Variants in BBS9 observed in about 807,000 individuals in gnomAD.
BBS9 encodes Bardet-Biedl syndrome 9, also known as protein PTHB1.
A neutral mutation model predicts 117.7 loss-of-function variants in BBS9; 89 were observed. That is an observed-to-expected ratio of 0.76 (90% CI 0.64 to 0.90). The LOEUF is 0.90. Among genes scored for constraint, BBS9 ranks in the 40% least tolerant of loss-of-function variants. BBS9 has a pLI of 0.00. For missense variants in BBS9, 982 were observed against 1,042.2 expected (o/e 0.94, Z 0.80); for synonymous variants, 379 against 370.9 (o/e 1.02, Z -0.25).
chr7:33,136,443 G>A lies in BBS9; in HGVS notation c.-12+6402G>A, dbSNP rs560143901. ...CATCCTTGTCTTGTGCCTGATCTTA[G>A]GAGGAAAGTGTTCGGTTTACACTAT... is the stretch of plus-strand genomic sequence containing the variant. On this transcript the variant is annotated intron_variant, in intron 1 of 22. Transcript: ENST00000242067. Among the ~76,000 whole-genome samples, 5 of 152,284 alleles carry A rather than the reference G, an allele frequency of 3.3e-5. 1 individual carries two copies. In the South Asian group the frequency reaches 1.0e-3, roughly 32 times the overall value.
chr7:33,611,421 C>A (rs1267104791), intron 21 of BBS9, among the ~76,000 whole-genome samples: 1 of 145,402 alleles, frequency 6.9e-6, no homozygotes. Context: ...TCATTGAATC[C>A]TTTAATATTA....
rs1335717784 is a variant in BBS9, at chr7:33,357,621, C to T, written c.1553-234C>T. The T allele has an allele frequency of 2.8e-5, 16 of 577,666 alleles. No homozygotes were observed. In the East Asian group the frequency reaches 4.8e-4, roughly 17 times the overall value. 35.8% of individuals were successfully genotyped at this position (577,666 alleles called of 1,614,324 possible). ...TTTAAAAATATGATACTATTAAAGA[C>T]AGATCTCATGTCTATGCTTCTTTTA... On this transcript the variant is annotated intron_variant, in intron 15 of 22. Coordinates refer to ENST00000242067, the MANE Select transcript of BBS9 (RefSeq NM_198428.3).
chr7:33,550,089 A>G (rs2129088925), intron 21 of BBS9, among the ~76,000 whole-genome samples: 1 of 152,254 alleles, frequency 6.6e-6, no homozygotes, highest in East Asian at 1.9e-4. Context: ...AACTTCTGCT[A>G]CCTCAGTGTA....
At chr7:33,464,128 G>A (rs1392326933) in intron 19 of BBS9, among the ~76,000 whole-genome samples, 2 of 151,980 alleles carry the variant, frequency 1.3e-5, no homozygotes, top group African/African-American at 4.8e-5. Flanking sequence ...AAATTTGACT[G>A]TCTGGTTTGG....
At chr7:33,198,080 A>G (rs1448469090) in intron 5 of BBS9, among the ~76,000 whole-genome samples, 1 of 151,998 alleles carries the variant, frequency 6.6e-6, no homozygotes, top group Non-Finnish European at 1.5e-5. Flanking sequence ...TTTCTACCTA[A>G]GTTAAAAGTG....
In BBS9 at chr7:33,332,678, AAACAACAACAAC is replaced by A. The variant is rs147419035; in HGVS notation, c.1017-3742_1017-3731del. 5.3e-5 allele frequency among the ~76,000 whole-genome samples: 8 copies of A among 150,058 alleles called. No homozygotes were observed. The South Asian group carries it at 1.5e-3, about 28-fold the overall frequency. On this transcript the variant is annotated intron_variant, in intron 9 of 22. Transcript: ENST00000242067. The stretch of plus-strand genomic sequence containing the variant: ...GGCAACAGAGCAAGGCTCCATGTCA[AAACAACAACAAC>A]AACAACAACAACAACAACAAAAACA...
intron 19 of BBS9, among the ~76,000 whole-genome samples, chr7:33,430,726 A>T (rs17170230): frequency 6.6e-6 from 1 of 152,228 alleles, no homozygotes; most frequent in East Asian, 1.9e-4. Flanking sequence ...CCAGTGGCCA[A>T]TGGACAGTGG....
chr7:33,555,102 T>C (rs75401661), intron 21 of BBS9, among the ~76,000 whole-genome samples: 151 of 152,350 alleles, frequency 9.9e-4, no homozygotes, highest in African/African-American at 3.5e-3. Flanking sequence ...CCTGTGTTGC[T>C]AACTTTTTTA....
At chr7:33,421,692 C>CT (rs1832882160) in intron 19 of BBS9, among the ~76,000 whole-genome samples, 1 of 152,084 alleles carries the variant, frequency 6.6e-6, no homozygotes, top group Non-Finnish European at 1.5e-5. Context: ...TGGAAACAAA[C>CT]AGTAGAGATC....
intron 5 of BBS9, among the ~76,000 whole-genome samples, chr7:33,209,324 T>C (rs993311206): frequency 6.6e-6 from 1 of 152,196 alleles, no homozygotes; most frequent in African/African-American, 2.4e-5. Flanking sequence ...TGTAACCACA[T>C]TTTCTTTATC....
intron 9 of BBS9, chr7:33,314,239 C>CT (rs112214479): frequency 0.11 from 35,031 of 330,302 alleles, 45 homozygotes; most frequent in South Asian, 0.17. Context: ...AATTTCCTTT[C>CT]TTTTTTTTTT....
intron 21 of BBS9, among the ~76,000 whole-genome samples, chr7:33,584,936 A>T (rs1860628770): frequency 6.6e-6 from 1 of 152,060 alleles, no homozygotes; most frequent in Admixed American, 6.6e-5. Flanking sequence ...TATTTGTTGT[A>T]ATTAAATTTT....
At chr7:33,600,029 A>G (rs923760939) in intron 21 of BBS9, among the ~76,000 whole-genome samples, 1 of 152,188 alleles carries the variant, frequency 6.6e-6, no homozygotes, top group African/African-American at 2.4e-5. Flanking sequence ...TGTTGCCACA[A>G]GGAGTTTGCT....
At chr7:33,416,989 A>T (rs1313654301) in intron 19 of BBS9, among the ~76,000 whole-genome samples, 1 of 152,230 alleles carries the variant, frequency 6.6e-6, no homozygotes, top group African/African-American at 2.4e-5. Context: ...TAGGTGAGAC[A>T]GTCAGAAAAG....
At chr7:33,387,680 G>A (rs1305737236) in intron 18 of BBS9, among the ~76,000 whole-genome samples, 1 of 151,962 alleles carries the variant, frequency 6.6e-6, no homozygotes, top group Non-Finnish European at 1.5e-5. Flanking sequence ...CATTGATTTT[G>A]CTGTAAAGAA....
chr7:33,235,055 TAAATGTGA>T (rs914388499), intron 5 of BBS9, among the ~76,000 whole-genome samples: 1 of 152,186 alleles, frequency 6.6e-6, no homozygotes, highest in Non-Finnish European at 1.5e-5. Context: ...TACTGACTTT[TAAATGTGA>T]AAATGCCATT....
intron 21 of BBS9, among the ~76,000 whole-genome samples, chr7:33,535,875 G>C (rs1280359278): frequency 6.6e-6 from 1 of 152,084 alleles, no homozygotes; most frequent in Non-Finnish European, 1.5e-5. Flanking sequence ...GTGAGTTCAG[G>C]CTGCAGCAGC....
At chr7:33,245,245 T>TC (rs1040490975) in intron 5 of BBS9, among the ~76,000 whole-genome samples, 1 of 3,648 alleles carries the variant, frequency 2.7e-4, no homozygotes, top group Non-Finnish European at 4.8e-4. Context: ...ATTTCCTATA[T>TC]TTTTTATATT....
chr7:33,158,150 G>A (rs1051907341), intron 4 of BBS9, among the ~76,000 whole-genome samples: 6 of 152,160 alleles, frequency 3.9e-5, no homozygotes, highest in Non-Finnish European at 7.4e-5. Context: ...ACAGTCTTAC[G>A]TAATCTGATT....
Sources: allele counts gnomAD v4.1 joint callset (sites outside exome capture counted in the v4.1 genomes callset), GRCh38; gene constraint gnomAD v4.1.1; transcripts MANE v1.5; gene names NCBI Gene and HGNC (gene_info 2026-07-23, HGNC 2026-07-21).